The following HCRTR1 variants were observed in gnomAD, a reference collection of about 807,000 sequenced individuals.
HCRTR1 encodes the protein hypocretin receptor 1, also known as orexin/Hypocretin receptor type 1.
HCRTR1 carries 28 observed loss-of-function variants against 40.6 expected under a neutral mutation model. The observed-to-expected ratio is 0.69, with a 90% CI of 0.51 to 0.95. The LOEUF (loss-of-function observed/expected upper bound fraction) is 0.95, where lower values mean the gene tolerates loss of function less well. Ranked by LOEUF, HCRTR1 falls within the 40% of genes least tolerant of loss-of-function variation. The pLI, the probability that HCRTR1 is intolerant of heterozygous loss-of-function variation, is 0.00. For synonymous variants in HCRTR1, 209 were observed against 230.0 expected, an observed-to-expected ratio of 0.91 and a Z score of 0.83; for missense variants, 482 against 564.7, an observed-to-expected ratio of 0.85 and a Z score of 1.48.
Position 31,627,246 on chromosome 1 carries a change from C to T in HCRTR1, c.*266C>T. On this transcript the variant is annotated 3_prime_UTR_variant, in exon 9 of 9. Transcript: ENST00000403528. ...TGTACTTCTCTCATTTGGCCATACC[C>T]CACAGTATAATCTGTCCCCATCCTC... is the stretch of plus-strand genomic sequence containing the variant. 4 of 1,467,372 alleles carry T rather than the reference C, an allele frequency of 2.7e-6. No homozygotes were observed. The highest frequency in any genetic ancestry group is 3.6e-6 in the Non-Finnish European group (4 of 1,103,124). 90.9% of individuals were successfully genotyped at this position (1,467,372 alleles called of 1,614,324 possible). A position where few individuals can be genotyped will look rare whatever the true frequency, so the allele number is the denominator to read the frequency against.
Position 31,626,471 on chromosome 1 carries a change from C to T in HCRTR1, c.1088-319C>T, listed in dbSNP as rs1256749179. On this transcript the variant is annotated intron_variant, in intron 8 of 8. Transcript: ENST00000403528. This position sits in a 1 kb window ranked among gnomAD's most constrained non-coding sequence, Gnocchi z 4.6. ...GCCTCGCAACAGATAGTGACCCCCACGTACACACCAAGGAGAGCAGAGGTG... is the reference window on the plus strand; with the variant it reads ...GCCTCGCAACAGATAGTGACCCCCATGTACACACCAAGGAGAGCAGAGGTG... Among the ~76,000 whole-genome samples, 2 of 152,182 alleles carry T rather than the reference C, an allele frequency of 1.3e-5. No homozygotes were observed. The highest frequency in any genetic ancestry group is 1.9e-4 in the East Asian group (1 of 5,196).
chr1:31,620,873 C>G lies in HCRTR1; in HGVS notation c.409C>G (p.Leu137Val). Reference protein sequence around the residue: ...AVSVSVAVLTLSFIALDRWYA... With the variant: ...AVSVSVAVLTVSFIALDRWYA... ...GTCCGTGTCAGTGGCAGTGCTAACT[C>G]TCAGCTTCATCGCCCTGGACCGCTG... The change falls in exon 5 of 9, where the codon CTC becomes GTC. Residue 137 changes from leucine (L) to valine (V), a missense_variant. Transcript: ENST00000403528. 6.2e-7 allele frequency: 1 copy of G among 1,614,116 alleles called. No individual in the cohort carries two copies. Among genetic ancestry groups the G allele is most frequent in the Non-Finnish European group, 8.5e-7 (1 of 1,180,018 alleles).
intron 6 of HCRTR1, 23 bp downstream of exon 6, chr1:31,621,615 G>A (rs1383845061): frequency 6.5e-7 from 1 of 1,549,592 alleles, no homozygotes; most frequent in Non-Finnish European, 8.9e-7. Flanking sequence ...CTGGGCAGGG[G>A]CTAGGCCAGT....
At chr1:31,632,983 C>T (rs112315257), downstream of HCRTR1, among the ~76,000 whole-genome samples, 92 of 152,286 alleles carry the variant, frequency 6.0e-4, no homozygotes, top group African/African-American at 2.1e-3. Flanking sequence ...TAAGAAAGAT[C>T]TCAGGAAAAG....
At chr1:31,618,258 C>A (rs1020323572) in intron 1 of HCRTR1, 1 of 152,228 alleles carries the variant, frequency 6.6e-6, no homozygotes, top group Non-Finnish European at 1.5e-5. Flanking sequence ...GGGCGGGGAG[C>A]TGGGCTGGCT....
At position 31,625,150 on chromosome 1, in the gene HCRTR1, G is replaced by GGT; in HGVS notation, c.1087+34_1087+35dup. 6.4e-7 allele frequency: 1 copy of GGT among 1,569,222 alleles called. No homozygotes were observed. On this transcript the variant is annotated intron_variant, in intron 8 of 8. Coordinates refer to ENST00000403528, the MANE Select transcript of HCRTR1 (RefSeq NM_001525.3). The surrounding 1 kb of genome is among the most constrained non-coding windows in gnomAD (Gnocchi z 4.2). ...AGGCTGGGGATGCAAAATGACTGAG[G>GGT]GTGGCCAACAGTCCACATGACAAGT...
chr1:31,632,439 GT>G (rs746628389), downstream of HCRTR1: 3 of 1,612,998 alleles, frequency 1.9e-6, no homozygotes. Context: ...ATCTTAGGGT[GT>G]AAAGAGAAGA....
At chr1:31,624,921 G>C in intron 7 of HCRTR1, 76 bp from the exon 8 acceptor site, 1 of 1,453,234 alleles carries the variant, frequency 6.9e-7, no homozygotes, top group Non-Finnish European at 9.2e-7. Flanking sequence ...TACAGCTCAG[G>C]TTCTGTGAGC....
chr1:31,619,467 G>T (rs550923322), intron 3 of HCRTR1, 65 bp from the exon 4 acceptor site: 3 of 1,611,790 alleles, frequency 1.9e-6, no homozygotes, highest in Admixed American at 3.3e-5. Context: ...AGGAGGGCTC[G>T]CTGATTAGGC....
rs1309331576 is a variant in HCRTR1 at position 31,619,222 on chromosome 1, G to T, written c.30G>T (p.Gln10His). Reference sequence around the variant, plus strand: ...AGCCCTCAGCCACCCCAGGGGCCCAGATGGGGGTCCCCCCTGGCAGCAGAG... The same window carrying T: ...AGCCCTCAGCCACCCCAGGGGCCCATATGGGGGTCCCCCCTGGCAGCAGAG... MEPSATPGA[Q>H]MGVPPGSREP... Residue 10 changes from glutamine to histidine, a missense_variant, in exon 3 of 9, where the codon CAG becomes CAT. Gln to His is a conservative substitution (Grantham distance 24, BLOSUM62 0). Coordinates refer to ENST00000403528, the MANE Select transcript of HCRTR1 (RefSeq NM_001525.3). 6.2e-7 allele frequency: 1 copy of T among 1,613,044 alleles called. No homozygotes were observed. Among genetic ancestry groups the T allele is most frequent in the African/African-American group, 1.3e-5 (1 of 75,066 alleles).
At chr1:31,632,821 C>A (rs1319446610), downstream of HCRTR1, among the ~76,000 whole-genome samples, 2 of 152,234 alleles carry the variant, frequency 1.3e-5, no homozygotes, top group Non-Finnish European at 2.9e-5. Flanking sequence ...CGTCCTCCTA[C>A]TCTGGACACC....
At position 31,625,256 on chromosome 1, in the gene HCRTR1, G is replaced by T; in HGVS notation, c.1087+138G>T. On this transcript the variant is annotated intron_variant, in intron 8 of 8. Coordinates refer to ENST00000403528, the MANE Select transcript of HCRTR1 (RefSeq NM_001525.3). This position sits in a 1 kb window ranked among gnomAD's most constrained non-coding sequence, Gnocchi z 4.2. ...CTGTGGGCACAGTGATCCTGCTCTG[G>T]GAGGACCCACCCCAAGCGGCCCTGG... The T allele has an allele frequency of 9.0e-7, 1 of 1,117,282 alleles. No homozygotes were observed. The highest frequency in any genetic ancestry group is 1.2e-6 in the Non-Finnish European group (1 of 817,470). 69.2% of individuals were successfully genotyped at this position (1,117,282 alleles called of 1,614,324 possible). A position where few individuals can be genotyped will look rare whatever the true frequency, so the allele number is the denominator to read the frequency against.
intron 1 of HCRTR1, among the ~76,000 whole-genome samples, chr1:31,618,524 C>T (rs1221058357): frequency 6.6e-6 from 1 of 152,106 alleles, no homozygotes; most frequent in African/African-American, 2.4e-5. Context: ...TCCCTTGGCC[C>T]GTTTTCCCAA....
rs11438872 is a variant in HCRTR1, at chr1:31,624,448, CAAAAAAAAA to C, written c.966-534_966-526del. ...TCCAGCCTGGGTGACACAGCTGTCT[CAAAAAAAAA>C]AAAAAAAAAAAAAAGCCTTTCCAAG... On this transcript the variant is annotated intron_variant, in intron 7 of 8. Coordinates refer to ENST00000403528, the MANE Select transcript of HCRTR1 (RefSeq NM_001525.3). Among the ~76,000 whole-genome samples the C allele has an allele frequency of 2.8e-3, 312 of 111,016 alleles. 3 individuals carry two copies. The South Asian group carries it at 0.03, about 11-fold the overall frequency. The allele number at this position is 111,016 out of a possible 152,430, so 72.8% of individuals were successfully genotyped here.
rs567397854 is a variant in HCRTR1 at position 31,621,473 on chromosome 1, G to C, written c.623-4G>C. ...CCTGACTCTGCATCTCTTGACCCCT[G>C]CAGATGACCTCTATCCCAAGATCTA... On this transcript the variant is annotated splice_polypyrimidine_tract_variant and splice_region_variant and intron_variant, in intron 5 of 8. Transcript: ENST00000403528. 2 of 1,604,764 alleles carry C rather than the reference G, an allele frequency of 1.2e-6. No homozygotes were observed. The highest frequency in any genetic ancestry group is 1.7e-6 in the Non-Finnish European group (2 of 1,171,568).
chr1:31,626,765 C>CT lies in HCRTR1; in HGVS notation c.1088-24dup, dbSNP rs1639985647. 7.0e-7 allele frequency: 1 copy of CT among 1,432,870 alleles called. No individual in the cohort carries two copies. Among genetic ancestry groups the CT allele is most frequent in the African/African-American group, 1.4e-5 (1 of 69,056 alleles). 88.8% of individuals were successfully genotyped at this position (1,432,870 alleles called of 1,614,324 possible). A position where few individuals can be genotyped will look rare whatever the true frequency, so the allele number is the denominator to read the frequency against. ...TCCTGCTGCATCTGTCTCCTTATGG[C>CT]TGTGTCTTTTGTCTCCCAACCAAGG... On this transcript the variant is annotated intron_variant, in intron 8 of 8. Transcript: ENST00000403528. The surrounding 1 kb of genome is among the most constrained non-coding windows in gnomAD (Gnocchi z 4.6).
downstream of HCRTR1, among the ~76,000 whole-genome samples, chr1:31,628,859 A>C (rs1446933997): frequency 5.9e-5 from 9 of 152,182 alleles, no homozygotes; most frequent in Non-Finnish European, 1.5e-5. Context: ...GACTTGGGGA[A>C]AATGTGGTAT....
At chr1:31,621,311 A>C (rs2280386) in intron 5 of HCRTR1, among the ~76,000 whole-genome samples, 166 bp from the exon 6 acceptor site, 81,620 of 151,842 alleles carry the variant, frequency 0.54, 23,001 homozygotes, top group Non-Finnish European at 0.62. Context: ...AGGAGGGACA[A>C]CCCAAGTTGG....
Position 31,627,192 on chromosome 1 carries a change from C to G in HCRTR1, c.*212C>G. 6.1e-6 allele frequency: 9 copies of G among 1,473,882 alleles called. No homozygotes were observed. Among genetic ancestry groups the G allele is most frequent in the Admixed American group, 2.1e-5 (1 of 46,834 alleles). 91.3% of individuals were successfully genotyped at this position (1,473,882 alleles called of 1,614,324 possible). On this transcript the variant is annotated 3_prime_UTR_variant, in exon 9 of 9. Transcript: ENST00000403528. ...AAGCAAGTGGAAAGCTCCTTGTAAACTGTGAAGTGTTGTGGACATGATTAT... is the reference window on the plus strand; with the variant it reads ...AAGCAAGTGGAAAGCTCCTTGTAAAGTGTGAAGTGTTGTGGACATGATTAT...
Sources: gnomAD v4.1 joint callset for allele counts (sites outside exome capture counted in the v4.1 genomes callset) on GRCh38, gnomAD v4.1.1 for gene constraint, Gnocchi (gnomAD v3.1) non-coding constraint, MANE v1.5 for transcripts, NCBI Gene and HGNC (gene_info 2026-07-23, HGNC 2026-07-21) for gene names.